LRRC32: variants seen among roughly 807,000 people sequenced by gnomAD.
LRRC32 encodes the protein leucine rich repeat containing 32, also known as transforming growth factor beta activator LRRC32.
A neutral mutation model predicts 15.0 loss-of-function variants in LRRC32; 5 were observed. The observed-to-expected ratio is 0.33, with a 90% CI of 0.17 to 0.70. LRRC32 has a LOEUF of 0.70. Ranked by LOEUF, LRRC32 falls within the 30% of genes least tolerant of loss-of-function variation. The probability of loss-of-function intolerance (pLI) is 0.66; values close to 1 mark genes in which losing one functional copy is unlikely to be tolerated. For missense variants in LRRC32, 803 were observed against 854.2 expected (o/e 0.94, Z 0.75); for synonymous variants, 391 against 403.9 (o/e 0.97, Z 0.38).
rs1476331049 is a variant in LRRC32 at position 76,666,892 on chromosome 11, A to C, written c.-4-934T>G. ...CTCAAAAAACAAATGAACACGAAAA[A>C]GAAGTGACAGTGACGGTGATACAGA... On this transcript the variant is annotated intron_variant, in intron 1 of 2. Coordinates refer to ENST00000260061, the MANE Select transcript of LRRC32 (RefSeq NM_001128922.2). 9.8e-5 allele frequency among the ~76,000 whole-genome samples: 15 copies of C among 152,350 alleles called. No homozygotes were observed. In the East Asian group the frequency reaches 2.7e-3, roughly 27 times the overall value.
Position 76,661,007 on chromosome 11 carries a change from G to C in LRRC32, c.586C>G (p.Leu196Val). The change falls in exon 3 of 3, where the codon CTG becomes GTG. Residue 196 changes from leucine to valine, a missense_variant. Coordinates refer to ENST00000260061, the MANE Select transcript of LRRC32 (RefSeq NM_001128922.2). Reference sequence around the variant, plus strand: ...AGGTTGAGATGGGTCAGGCGGGGCAGACCCTCGAAGGCGCCATCCTCGATG... The same window carrying C: ...AGGTTGAGATGGGTCAGGCGGGGCACACCCTCGAAGGCGCCATCCTCGATG... ...MDIEDGAFEG[L>V]PRLTHLNLSR... 6.2e-7 allele frequency: 1 copy of C among 1,614,160 alleles called. No homozygotes were observed. The highest frequency in any genetic ancestry group is 8.5e-7 in the Non-Finnish European group (1 of 1,179,996).
chr11:76,665,806 C>T lies in LRRC32; in HGVS notation c.84+65G>A. ...TAACTTCTGGCTTCTGGGGCTGGGG[C>T]ACTAGCACACCCTAGGGCAGGGAGG... is the stretch of plus-strand genomic sequence containing the variant. On this transcript the variant is annotated intron_variant, in intron 2 of 2. Coordinates refer to ENST00000260061, the MANE Select transcript of LRRC32 (RefSeq NM_001128922.2). 6 of 1,601,426 alleles carry T rather than the reference C, an allele frequency of 3.7e-6. No homozygotes were observed. In the South Asian group the frequency reaches 6.7e-5, roughly 18 times the overall value.
At chr11:76,667,718 G>T (rs1379337396) in intron 1 of LRRC32, among the ~76,000 whole-genome samples, 1 of 152,248 alleles carries the variant, frequency 6.6e-6, no homozygotes, top group African/African-American at 2.4e-5. Context: ...AACCCCTCCG[G>T]CAGGGCCTTC....
rs369867819 is a variant in LRRC32, at chr11:76,659,963, G to A, written c.1630C>T (p.Arg544Ter). 2 of 1,614,042 alleles carry A rather than the reference G, an allele frequency of 1.2e-6. No homozygotes were observed. The highest frequency in any genetic ancestry group is 1.7e-6 in the Non-Finnish European group (2 of 1,180,048). Residue 544 changes from arginine to a stop codon, truncating the protein, a stop_gained, in exon 3 of 3, where the codon CGA (arginine) becomes TGA (stop). Transcript: ENST00000260061. LOFTEE classifies it high-confidence loss of function. ...GGCAGGAGGCTGAAGCTGTTGTTTC[G>A]CAGGTCCAGCACCTCCAGTGACACA... Reference protein sequence around the residue: ...QAVSLEVLDLRNNSFSLLPGS... With the variant: ...QAVSLEVLDL
In LRRC32 at chr11:76,660,137, A is replaced by G. The variant is rs373530634; in HGVS notation, c.1456T>C (p.Leu486=). Residue 486 remains leucine (L), a synonymous_variant, in exon 3 of 3, where the codon TTG becomes CTG. Coordinates refer to ENST00000260061, the MANE Select transcript of LRRC32 (RefSeq NM_001128922.2). ...TCCAAGGAGGCCTCCAGGCCTCCCA[A>G]GGCCCCCGTGGCCACCTCCAGCCCA... ...NPGLEVATGA[L]GGLEASLEVL... 27 of 1,608,564 alleles carry G rather than the reference A, an allele frequency of 1.7e-5. No individual in the cohort carries two copies. Among genetic ancestry groups the G allele is most frequent in the Non-Finnish European group, 2.1e-5 (25 of 1,177,484 alleles).
chr11:76,659,044 C>G lies in LRRC32; in HGVS notation c.*560G>C, dbSNP rs1320645. 1 of 155,068 alleles carries G rather than the reference C, an allele frequency of 6.4e-6. No homozygotes were observed. Among genetic ancestry groups the G allele is most frequent in the Non-Finnish European group, 1.4e-5 (1 of 69,854 alleles). 9.6% of individuals were successfully genotyped at this position (155,068 alleles called of 1,614,324 possible). A position where few individuals can be genotyped will look rare whatever the true frequency, so the allele number is the denominator to read the frequency against. On this transcript the variant is annotated 3_prime_UTR_variant, in exon 3 of 3. Transcript: ENST00000260061. Reference sequence around the variant, plus strand: ...ATTTTCAGAGAGACTGAAAGTCATTCTCAGAAGACGTGACAAACAGTCTGC... The same window carrying G: ...ATTTTCAGAGAGACTGAAAGTCATTGTCAGAAGACGTGACAAACAGTCTGC...
chr11:76,660,983 G>C lies in LRRC32; in HGVS notation c.610C>G (p.Leu204Val). 6.2e-7 allele frequency: 1 copy of C among 1,614,190 alleles called. No individual in the cohort carries two copies. The highest frequency in any genetic ancestry group is 8.5e-7 in the Non-Finnish European group (1 of 1,180,008). ...ATGCAGGTGAGGGAATTCCTGGAGA[G>C]GTTGAGATGGGTCAGGCGGGGCAGA... ...EGLPRLTHLNLSRNSLTCISD... is the reference protein window; with the variant it reads ...EGLPRLTHLNVSRNSLTCISD... The change falls in exon 3 of 3, where the codon CTC (leucine) becomes GTC (valine). Residue 204 changes from leucine (L) to valine (V), a missense_variant. Transcript: ENST00000260061.
At chr11:76,666,028 C>G (rs1248266698) in intron 1 of LRRC32, 70 bp from the exon 2 acceptor site, 3 of 1,411,840 alleles carry the variant, frequency 2.1e-6, no homozygotes, top group Admixed American at 1.7e-5. Context: ...AGCCCCCACT[C>G]CCACCCATTC....
In LRRC32 at chr11:76,659,810, T is replaced by C. The variant is rs750391578; in HGVS notation, c.1783A>G (p.Thr595Ala). Residue 595 changes from threonine (T) to alanine (A), a missense_variant, in exon 3 of 3, where the codon ACC (threonine) becomes GCC (alanine). Thr to Ala is a moderately conservative substitution (Grantham distance 58). Coordinates refer to ENST00000260061, the MANE Select transcript of LRRC32 (RefSeq NM_001128922.2). The part of the protein sequence containing the change: ...LHQGRVDVDA[T>A]QDLICRFSSQ... ...CTGAAGCGGCAGATCAGGTCCTGGG[T>C]GGCGTCCACGTCCACACGGCCCTGG... 2 of 1,614,166 alleles carry C rather than the reference T, an allele frequency of 1.2e-6. No homozygotes were observed. The highest frequency in any genetic ancestry group is 4.5e-5 in the East Asian group (2 of 44,868).
intron 1 of LRRC32, among the ~76,000 whole-genome samples, chr11:76,667,258 G>A (rs192162413): frequency 6.6e-6 from 1 of 152,188 alleles, no homozygotes; most frequent in African/African-American, 2.4e-5. Context: ...GAGAGCTTAG[G>A]TACTATGCCC....
chr11:76,665,183 C>T (rs1476644039), intron 2 of LRRC32, among the ~76,000 whole-genome samples: 1 of 152,216 alleles, frequency 6.6e-6, no homozygotes, highest in East Asian at 1.9e-4. Flanking sequence ...GCAAATCAAA[C>T]TTGGTCCTTG....
At position 76,659,730 on chromosome 11, in the gene LRRC32, C is replaced by T. The variant is rs757316516; in HGVS notation, c.1863G>A (p.Gly621=). 14 of 1,614,218 alleles carry T rather than the reference C, an allele frequency of 8.7e-6. No homozygotes were observed. In the South Asian group the frequency reaches 1.5e-4, roughly 18 times the overall value. ...TGATGAGGTTGATGTTCTTCAGTCC[C>T]CCCTTCTCACAGTCCTCGGGACGCA... ...SHVRPEDCEK[G]GLKNINLIII... The change falls in exon 3 of 3, where the codon GGG becomes GGA. Residue 621 remains glycine, a synonymous_variant. Transcript: ENST00000260061.
At chr11:76,670,512 G>A (rs1057456868) in intron 1 of LRRC32, 102 bp downstream of exon 1, 5 of 152,156 alleles carry the variant, frequency 3.3e-5, no homozygotes, top group African/African-American at 1.2e-4. Flanking sequence ...GGAGTGTTTG[G>A]GGGGCGTCCC....
Position 76,657,980 on chromosome 11 carries a change from C to T in LRRC32, c.*1624G>A, listed in dbSNP as rs1420467244. 7.2e-5 allele frequency: 11 copies of T among 152,350 alleles called. No individual in the cohort carries two copies. Among genetic ancestry groups the T allele is most frequent in the Admixed American group, 7.2e-4 (11 of 15,288 alleles). The allele number at this position is 152,350 out of a possible 1,614,324, so 9.4% of individuals were successfully genotyped here. A position where few individuals can be genotyped will look rare whatever the true frequency, so the allele number is the denominator to read the frequency against. On this transcript the variant is annotated 3_prime_UTR_variant, in exon 3 of 3. Coordinates refer to ENST00000260061, the MANE Select transcript of LRRC32 (RefSeq NM_001128922.2). ...TCCCAGCACGTCCATTCTTCCCAGA[C>T]AGCTCATGACTCCATGGTATGAGGG...
rs757556414 is a variant in LRRC32, at chr11:76,659,903, G to A, written c.1690C>T (p.Arg564Trp). 11 of 1,613,758 alleles carry A rather than the reference G, an allele frequency of 6.8e-6. No homozygotes were observed. The highest frequency in any genetic ancestry group is 2.2e-5 in the East Asian group (1 of 44,876). ...SAMGGLETSL[R>W]RLYLQGNPLS... ...GGATTCCCCTGCAGGTAGAGGCGCC[G>A]GAGGCTGGTCTCCAGGCCACCCATG... The change falls in exon 3 of 3, where the codon CGG becomes TGG. Residue 564 changes from arginine (R) to tryptophan (W), a missense_variant. Transcript: ENST00000260061.
In LRRC32 at chr11:76,665,969, C is replaced by A. The variant is rs375223802; in HGVS notation, c.-4-11G>T. Reference sequence around the variant, plus strand: ...TGGGGTCTCATGGCTCTGTGTAAGGCGGAGAGGAAAGGGGAACACTGTAAG... The same window carrying A: ...TGGGGTCTCATGGCTCTGTGTAAGGAGGAGAGGAAAGGGGAACACTGTAAG... On this transcript the variant is annotated splice_polypyrimidine_tract_variant and intron_variant, in intron 1 of 2. Coordinates refer to ENST00000260061, the MANE Select transcript of LRRC32 (RefSeq NM_001128922.2). 6.2e-7 allele frequency: 1 copy of A among 1,613,272 alleles called. No individual in the cohort carries two copies. Among genetic ancestry groups the A allele is most frequent in the Non-Finnish European group, 8.5e-7 (1 of 1,179,366 alleles).
At chr11:76,670,179 G>A (rs979205294) in intron 1 of LRRC32, among the ~76,000 whole-genome samples, 4 of 152,234 alleles carry the variant, frequency 2.6e-5, no homozygotes, top group Middle Eastern at 3.2e-3. Context: ...TGGGTTCAGA[G>A]CCCCTTGGAG....
At chr11:76,666,403 C>T (rs1196615225) in intron 1 of LRRC32, among the ~76,000 whole-genome samples, 13 of 152,188 alleles carry the variant, frequency 8.5e-5, no homozygotes, top group Admixed American at 8.5e-4. Flanking sequence ...CACAAGTCCT[C>T]CGTACCAGCT....
chr11:76,666,637 G>A (rs1423295541), intron 1 of LRRC32, among the ~76,000 whole-genome samples: 1 of 152,146 alleles, frequency 6.6e-6, no homozygotes, highest in Non-Finnish European at 1.5e-5. Context: ...GCCACACTCC[G>A]GCCTCCTGGG....
Sources: gnomAD v4.1 joint callset for allele counts (sites outside exome capture counted in the v4.1 genomes callset) on GRCh38, gnomAD v4.1.1 for gene constraint, MANE v1.5 for transcripts, NCBI Gene and HGNC (gene_info 2026-07-23, HGNC 2026-07-21) for gene names.